NRG1: variants seen among roughly 807,000 people sequenced by gnomAD.
NRG1 encodes neuregulin 1, also known as pro-neuregulin-1, membrane-bound isoform.
In NRG1, 18 loss-of-function variants were observed where a neutral mutation model predicts 63.8. The ratio of observed to expected loss-of-function variants is 0.28; its 90% CI spans 0.19 to 0.42. The LOEUF (loss-of-function observed/expected upper bound fraction) is 0.42, where lower values mean the gene tolerates loss of function less well. NRG1 is among the 10% of genes least tolerant of loss of function. The pLI is 1.00. For missense variants in NRG1, 762 were observed against 814.7 expected, an observed-to-expected ratio of 0.94 and a Z score of 0.79; for synonymous variants, 302 against 301.3, an observed-to-expected ratio of 1.00 and a Z score of -0.02.
At chr8:32,753,427 TC>T (rs1260234243) in intron 7 of NRG1, among the ~76,000 whole-genome samples, 4 of 152,346 alleles carry the variant, frequency 2.6e-5, no homozygotes, top group African/African-American at 9.6e-5. Flanking sequence ...TGCAGTAGTA[TC>T]TTTGGTTCAA....
chr8:32,641,880 A>C (rs1202469752), intron 5 of NRG1, among the ~76,000 whole-genome samples: 1 of 152,228 alleles, frequency 6.6e-6, no homozygotes, highest in African/African-American at 2.4e-5. Flanking sequence ...CCTATTTTGC[A>C]TCATAAATAA....
At position 32,383,012 on chromosome 8, in the gene NRG1, G is replaced by A. The variant is rs112951101; in HGVS notation, c.38-212816G>A. 2.5e-3 allele frequency among the ~76,000 whole-genome samples: 383 copies of A among 151,770 alleles called. 3 individuals carry two copies. Among genetic ancestry groups the A allele is most frequent in the African/African-American group, 8.9e-3 (369 of 41,388 alleles). On this transcript the variant is annotated intron_variant, in intron 1 of 10. Transcript: ENST00000519301. The stretch of plus-strand genomic sequence containing the variant: ...TGAGGCAGGAGGATCATTTGAGGCC[G>A]GGAGTTTGAGATCAGCCTGGGCAAT...
At chr8:32,446,248 G>C (rs950115212) in intron 1 of NRG1, among the ~76,000 whole-genome samples, 2 of 152,140 alleles carry the variant, frequency 1.3e-5, no homozygotes, top group Non-Finnish European at 2.9e-5. Flanking sequence ...CCTAACATGG[G>C]TATGATGCAT....
At chr8:31,913,389 A>G (rs539861824) in intron 1 of NRG1, among the ~76,000 whole-genome samples, 6 of 152,286 alleles carry the variant, frequency 3.9e-5, no homozygotes, top group Non-Finnish European at 8.8e-5. Context: ...ATATTTTCCC[A>G]TCATTCTTAG....
intron 1 of NRG1, among the ~76,000 whole-genome samples, chr8:32,334,941 C>T (rs1031023240): frequency 6.6e-6 from 1 of 152,254 alleles, no homozygotes; most frequent in Admixed American, 6.5e-5. Context: ...GTCAATGCCA[C>T]TTTCTTTGGT....
exon 12 of NRG1, chr8:32,766,609 T>A (rs1182148608): frequency 2.6e-5 from 4 of 152,222 alleles, no homozygotes; most frequent in Admixed American, 2.6e-4. Flanking sequence ...TGTGGAAGAA[T>A]TTTAAGAATA....
intron 1 of NRG1, among the ~76,000 whole-genome samples, chr8:31,832,773 C>T (rs1427855959): frequency 1.3e-5 from 2 of 151,996 alleles, no homozygotes; most frequent in African/African-American, 4.8e-5. Context: ...TTGACCTTGC[C>T]CCTTGTAGTT....
chr8:31,825,723 C>A (rs1294440128), intron 1 of NRG1, among the ~76,000 whole-genome samples: 2 of 152,118 alleles, frequency 1.3e-5, no homozygotes, highest in African/African-American at 4.8e-5. Context: ...CTTAGGTCAT[C>A]TACCTTTGAA....
chr8:32,427,325 G>A (rs976442046), intron 1 of NRG1, among the ~76,000 whole-genome samples: 14 of 152,084 alleles, frequency 9.2e-5, no homozygotes, highest in East Asian at 1.9e-4. Flanking sequence ...GGCATTAAAC[G>A]TGGTAGATCC....
At chr8:32,425,732 A>G (rs914998269) in intron 1 of NRG1, among the ~76,000 whole-genome samples, 11 of 152,188 alleles carry the variant, frequency 7.2e-5, no homozygotes, top group African/African-American at 2.7e-4. Context: ...TTTCTGATTG[A>G]CTAGGTAGTA....
chr8:32,414,637 C>A (rs1815602492), intron 1 of NRG1, among the ~76,000 whole-genome samples: 1 of 152,066 alleles, frequency 6.6e-6, no homozygotes, highest in East Asian at 1.9e-4. Flanking sequence ...TGGTTTTGCT[C>A]CTGTTTGTGG....
chr8:32,249,545 TA>T (rs1848895156), intron 1 of NRG1, among the ~76,000 whole-genome samples: 1 of 152,074 alleles, frequency 6.6e-6, no homozygotes, highest in Admixed American at 6.6e-5. Flanking sequence ...ACAAGATCTC[TA>T]AAAGTCATTA....
At chr8:32,490,851 C>G (rs947133619) in intron 1 of NRG1, among the ~76,000 whole-genome samples, 2 of 152,104 alleles carry the variant, frequency 1.3e-5, no homozygotes, top group African/African-American at 4.8e-5. Context: ...AAAGTGAAGG[C>G]CTTGTCTATC....
chr8:32,152,065 C>G (rs1407996710), intron 1 of NRG1, among the ~76,000 whole-genome samples: 1 of 152,176 alleles, frequency 6.6e-6, no homozygotes, highest in Non-Finnish European at 1.5e-5. Flanking sequence ...CACAAGAGCT[C>G]CACAACTGGA....
intron 1 of NRG1, among the ~76,000 whole-genome samples, chr8:32,140,660 G>A (rs1836129001): frequency 6.6e-6 from 1 of 151,898 alleles, no homozygotes; most frequent in African/African-American, 2.4e-5. Flanking sequence ...ACTGGGTCTT[G>A]CTATGCTGCC....
At chr8:31,724,573 T>G (rs1813239613) in intron 1 of NRG1, among the ~76,000 whole-genome samples, 6 of 151,996 alleles carry the variant, frequency 3.9e-5, no homozygotes. Flanking sequence ...GCAAATTACT[T>G]TTGGTTGTTG....
intron 5 of NRG1, among the ~76,000 whole-genome samples, chr8:32,657,499 A>G (rs1399075076): frequency 6.6e-6 from 1 of 152,134 alleles, no homozygotes; most frequent in East Asian, 1.9e-4. Context: ...CTGGATGGTT[A>G]GTGGGAGAGA....
chr8:31,707,916 G>A (rs557960152), intron 1 of NRG1, among the ~76,000 whole-genome samples: 92 of 152,054 alleles, frequency 6.1e-4, no homozygotes, highest in Admixed American at 1.6e-3. Context: ...GTTGTAACTC[G>A]TCTAATCGCT....
chr8:32,355,966 T>C (rs760666324), intron 1 of NRG1, among the ~76,000 whole-genome samples: 4 of 151,938 alleles, frequency 2.6e-5, no homozygotes, highest in Admixed American at 2.0e-4. Context: ...CACGTGCGCG[T>C]GTGTGTGTGC....
Sources: gnomAD v4.1 joint callset for allele counts (sites outside exome capture counted in the v4.1 genomes callset) on GRCh38, gnomAD v4.1.1 for gene constraint, MANE v1.5 for transcripts, NCBI Gene and HGNC (gene_info 2026-07-23, HGNC 2026-07-21) for gene names.